Variants in SLFN12L observed in about 807,000 individuals in gnomAD.
SLFN12L encodes the protein schlafen family member 12-like.
SLFN12L carries 34 observed loss-of-function variants against 34.8 expected under a neutral mutation model. That is an observed-to-expected ratio of 0.98 (90% confidence interval 0.74 to 1.30). SLFN12L has a LOEUF of 1.30. Among genes scored for constraint, SLFN12L ranks in the 50% most tolerant of loss-of-function variants. The pLI, the probability that SLFN12L is intolerant of heterozygous loss-of-function variation, is 0.00. For missense variants in SLFN12L, 703 were observed against 696.2 expected (o/e 1.01, Z -0.11); for synonymous variants, 259 against 247.5 (o/e 1.05, Z -0.44).
intron 2 of SLFN12L, among the ~76,000 whole-genome samples, chr17:35,507,473 T>C (rs1360603633): frequency 6.6e-6 from 1 of 152,222 alleles, no homozygotes; most frequent in Non-Finnish European, 1.5e-5. Context: ...AGATTGGCTC[T>C]TGACAACTTG....
At chr17:35,526,038 G>T (rs1597882666) in intron 1 of SLFN12L, among the ~76,000 whole-genome samples, 1 of 151,916 alleles carries the variant, frequency 6.6e-6, no homozygotes, top group African/African-American at 2.4e-5. Context: ...GGAAAGCAAA[G>T]AAAAGCAGGG....
intron 2 of SLFN12L, among the ~76,000 whole-genome samples, chr17:35,504,874 G>C (rs1343679853): frequency 1.3e-5 from 2 of 152,186 alleles, no homozygotes; most frequent in Admixed American, 6.5e-5. Context: ...GTGGTATTGT[G>C]GTGGACCTTT....
At position 35,522,501 on chromosome 17, in the gene SLFN12L, T is replaced by C; in HGVS notation, c.-137A>G. On this transcript the variant is annotated 5_prime_UTR_variant, in exon 2 of 5. The change abolishes the stop of an existing upstream ORF in the 5' untranslated region. Coordinates refer to ENST00000628453, the MANE Select transcript of SLFN12L (RefSeq NM_001363830.2). ...ATTTAAAACCTCATAGCTGCACAGGTCACTCAAGAGAGACCTGAAGCCGAG... is the reference window on the plus strand; with the variant it reads ...ATTTAAAACCTCATAGCTGCACAGGCCACTCAAGAGAGACCTGAAGCCGAG... 1 of 1,613,212 alleles carries C rather than the reference T, an allele frequency of 6.2e-7. No individual in the cohort carries two copies. Among genetic ancestry groups the C allele is most frequent in the Non-Finnish European group, 8.5e-7 (1 of 1,179,550 alleles).
At chr17:35,534,824 T>C (rs2072443485) in intron 1 of SLFN12L, among the ~76,000 whole-genome samples, 1 of 152,164 alleles carries the variant, frequency 6.6e-6, no homozygotes, top group African/African-American at 2.4e-5. Context: ...AGAACCTGGA[T>C]ATATGCCAAA....
Position 35,479,532 on chromosome 17 carries a change from GTTT to G in SLFN12L, c.747_749del (p.Lys249del). The G allele has an allele frequency of 1.9e-6, 3 of 1,614,170 alleles. No homozygotes were observed. Among genetic ancestry groups the G allele is most frequent in the Non-Finnish European group, 2.5e-6 (3 of 1,180,026 alleles). On this transcript the variant is annotated inframe_deletion, in exon 3 of 5. Transcript: ENST00000628453. Reference sequence around the variant, plus strand: ...GTTGTAACAACTTTTCAGTCGAGAAGTTTTTTATTTCAACGTGTGTGGATTCAG... The same window carrying G: ...GTTGTAACAACTTTTCAGTCGAGAAGTTTATTTCAACGTGTGTGGATTCAG...
intron 1 of SLFN12L, among the ~76,000 whole-genome samples, chr17:35,534,652 T>C (rs1330969758): frequency 1.3e-5 from 2 of 151,624 alleles, no homozygotes; most frequent in Non-Finnish European, 2.9e-5. Context: ...AATTCATGTC[T>C]ATTATTTCAA....
chr17:35,487,798 C>T, intron 2 of SLFN12L: 1 of 1,525,460 alleles, frequency 6.6e-7, no homozygotes, highest in East Asian at 2.4e-5. Flanking sequence ...TCCTGCTCTC[C>T]GCGTCCGTGT....
intron 2 of SLFN12L, among the ~76,000 whole-genome samples, chr17:35,494,296 T>C (rs1914959258): frequency 6.6e-6 from 1 of 152,130 alleles, no homozygotes; most frequent in Admixed American, 6.5e-5. Context: ...GGTGACCTGT[T>C]CTCTAGCTGT....
At position 35,466,404 on chromosome 17, in the gene SLFN12L, G is replaced by A. The variant is rs1913720194; in HGVS notation, c.*8519C>T. On this transcript the variant is annotated 3_prime_UTR_variant, in exon 5 of 5. Coordinates refer to ENST00000628453, the MANE Select transcript of SLFN12L (RefSeq NM_001363830.2). ...AATGTCATATAGTTGGAATCATACA[G>A]TATATAGCCTTTTCAGATGGCCTTC... Among the ~76,000 whole-genome samples the A allele has an allele frequency of 1.3e-5, 2 of 152,174 alleles. No individual in the cohort carries two copies. Among genetic ancestry groups the A allele is most frequent in the Admixed American group, 6.5e-5 (1 of 15,276 alleles).
At chr17:35,488,755 C>T (rs1420133587) in intron 2 of SLFN12L, among the ~76,000 whole-genome samples, 1 of 152,140 alleles carries the variant, frequency 6.6e-6, no homozygotes, top group East Asian at 1.9e-4. Flanking sequence ...CTTCTTCACA[C>T]TGAATGAGCA....
intron 1 of SLFN12L, among the ~76,000 whole-genome samples, chr17:35,527,218 A>G (rs2072345082): frequency 6.6e-6 from 1 of 152,166 alleles, no homozygotes; most frequent in Non-Finnish European, 1.5e-5. Flanking sequence ...GCAGTAATTA[A>G]TACCCTACCA....
intron 2 of SLFN12L, among the ~76,000 whole-genome samples, chr17:35,483,000 T>C (rs961931835): frequency 6.6e-6 from 1 of 152,078 alleles, no homozygotes; most frequent in African/African-American, 2.4e-5. Context: ...AGAGAGGAAC[T>C]ACCCTCTCTG....
At chr17:35,480,264 C>T (rs377107909) in intron 2 of SLFN12L, 69 bp from the exon 3 acceptor site, 108 of 1,236,376 alleles carry the variant, frequency 8.7e-5, no homozygotes, top group Admixed American at 4.7e-4. Flanking sequence ...ATGAGGCAAA[C>T]GTAGAAAAAT....
chr17:35,525,053 G>A (rs868570389), intron 1 of SLFN12L, among the ~76,000 whole-genome samples: 1 of 151,812 alleles, frequency 6.6e-6, no homozygotes, highest in Non-Finnish European at 1.5e-5. Flanking sequence ...CGAGAACTTC[G>A]TGAAACATAC....
rs1418834404 is a variant in SLFN12L at position 35,474,680 on chromosome 17, G to A, written c.*243C>T. On this transcript the variant is annotated 3_prime_UTR_variant, in exon 5 of 5. Coordinates refer to ENST00000628453, the MANE Select transcript of SLFN12L (RefSeq NM_001363830.2). ...CTCACATCTGTACTCCTAGCACTTT[G>A]GGAGACCGGGGGGGGGGGTTGAATC... 1 of 390,376 alleles carries A rather than the reference G, an allele frequency of 2.6e-6. No individual in the cohort carries two copies. 24.2% of individuals were successfully genotyped at this position (390,376 alleles called of 1,614,324 possible).
At chr17:35,480,815 T>A (rs1361346416) in intron 2 of SLFN12L, among the ~76,000 whole-genome samples, 2 of 151,808 alleles carry the variant, frequency 1.3e-5, no homozygotes, top group Non-Finnish European at 2.9e-5. Context: ...TACAAGGAGG[T>A]AATCGTGGGT....
intron 2 of SLFN12L, among the ~76,000 whole-genome samples, chr17:35,481,167 C>G (rs1010005546): frequency 6.6e-6 from 1 of 152,222 alleles, no homozygotes; most frequent in Non-Finnish European, 1.5e-5. Flanking sequence ...GGGAAGGCAC[C>G]CGTCACCTAG....
chr17:35,531,853 G>A (rs570859700), intron 1 of SLFN12L, among the ~76,000 whole-genome samples: 5 of 151,794 alleles, frequency 3.3e-5, no homozygotes, highest in East Asian at 3.9e-4. Flanking sequence ...CAGGATGGTC[G>A]TGAAATCCTG....
At chr17:35,530,434 GGGAAGGGAA>G (rs1333360941) in intron 1 of SLFN12L, among the ~76,000 whole-genome samples, 964 of 11,588 alleles carry the variant, frequency 0.083, 181 homozygotes, top group East Asian at 0.15. Context: ...AGGAAGGGAA[GGGAAGGGAA>G]GAAAGAAAGA....
Sources: gnomAD v4.1 joint callset for allele counts (sites outside exome capture counted in the v4.1 genomes callset) on GRCh38, gnomAD v4.1.1 for gene constraint, MANE v1.5 for transcripts, NCBI Gene and HGNC (gene_info 2026-07-23, HGNC 2026-07-21) for gene names.